The following TIAM1 variants were observed in gnomAD, a reference collection of about 807,000 sequenced individuals.
TIAM1 encodes the protein TIAM Rac1 associated GEF 1, also known as rho guanine nucleotide exchange factor TIAM1.
In TIAM1, 65 loss-of-function variants were observed where a neutral mutation model predicts 163.5. The ratio of observed to expected loss-of-function variants is 0.40; its 90% confidence interval spans 0.33 to 0.49. The LOEUF is 0.49. Among genes scored for constraint, TIAM1 ranks in the 20% least tolerant of loss-of-function variants. The pLI is 0.77. For missense variants in TIAM1, 1,789 were observed against 2,044.7 expected (o/e 0.87, Z 2.41); for synonymous variants, 833 against 810.1 (o/e 1.03, Z -0.48).
chr21:31,182,583 A>C lies in TIAM1; in HGVS notation c.2725T>G (p.Ser909Ala), dbSNP rs768029629. Residue 909 changes from serine (S) to alanine (A), a missense_variant, in exon 15 of 28, where the codon TCT (serine) becomes GCT (alanine). This residue lies in a region of TIAM1 where 303 missense variants were observed against 321.3 expected (regional missense o/e 0.94). Transcript: ENST00000541036. Reference protein sequence around the residue: ...NNRAADALNSSMLKDFLSQPS... With the variant: ...NNRAADALNSAMLKDFLSQPS... ...TGTGAGAGGAAATCTTTGAGCATAGAAGAGTTCAGGGCGTCAGCAGCACGA... is the reference window on the plus strand; with the variant it reads ...TGTGAGAGGAAATCTTTGAGCATAGCAGAGTTCAGGGCGTCAGCAGCACGA... 6.2e-7 allele frequency: 1 copy of C among 1,613,958 alleles called. No individual in the cohort carries two copies. Among genetic ancestry groups the C allele is most frequent in the Non-Finnish European group, 8.5e-7 (1 of 1,179,968 alleles).
In TIAM1 at chr21:31,396,955, A is replaced by AC. The variant is rs533640676; in HGVS notation, c.-368-57534_-368-57533insG. Among the ~76,000 whole-genome samples the AC allele has an allele frequency of 3.7e-3, 516 of 139,462 alleles. 5 individuals are homozygous for AC. Among genetic ancestry groups the AC allele is most frequent in the African/African-American group, 0.012 (463 of 39,098 alleles). 91.5% of individuals were successfully genotyped at this position (139,462 alleles called of 152,430 possible). On this transcript the variant is annotated intron_variant, in intron 2 of 28. Transcript: ENST00000286827. ...CAGAGTGAGACTCCGTCACACACAC[A>AC]AAAAAAATTTAAATAATATTTTATG...
chr21:31,409,591 C>A (rs1041345007), intron 2 of TIAM1, among the ~76,000 whole-genome samples: 2 of 152,204 alleles, frequency 1.3e-5, no homozygotes, highest in African/African-American at 2.4e-5. Context: ...CAGCTCCACA[C>A]ACCAGCATCA....
intron 2 of TIAM1, among the ~76,000 whole-genome samples, chr21:31,281,430 C>T (rs965053581): frequency 1.3e-5 from 2 of 152,148 alleles, no homozygotes; most frequent in African/African-American, 4.8e-5. Context: ...TATGGAAATT[C>T]TTACTGTGTT....
chr21:31,291,895 T>C (rs966949542), intron 2 of TIAM1, among the ~76,000 whole-genome samples: 1 of 152,200 alleles, frequency 6.6e-6, no homozygotes, highest in African/African-American at 2.4e-5. Flanking sequence ...GCCTTCTACA[T>C]GGCTCCATCT....
chr21:31,385,333 A>T (rs2076847199), intron 2 of TIAM1, among the ~76,000 whole-genome samples: 1 of 152,164 alleles, frequency 6.6e-6, no homozygotes, highest in Admixed American at 6.5e-5. Context: ...TTTTTAAAAA[A>T]CAGACTTTAT....
chr21:31,380,390 A>C (rs1325994432), intron 2 of TIAM1, among the ~76,000 whole-genome samples: 1 of 152,142 alleles, frequency 6.6e-6, no homozygotes, highest in Non-Finnish European at 1.5e-5. Flanking sequence ...CTAAAAATAC[A>C]AAGTTAGCTG....
Position 31,146,238 on chromosome 21 carries a change from G to A in TIAM1, c.3475+657C>T, listed in dbSNP as rs140154592. ...ACCTGAGGTCAGGAATTCAAGACCA[G>A]CCTGGCCAACATGGTGAAACCCCAT... On this transcript the variant is annotated intron_variant, in intron 20 of 27. Coordinates refer to ENST00000541036, the MANE Select transcript of TIAM1 (RefSeq NM_001353694.2). Among the ~76,000 whole-genome samples, 856 of 152,148 alleles carry A rather than the reference G, an allele frequency of 5.6e-3. 9 individuals carry two copies. Among genetic ancestry groups the A allele is most frequent in the African/African-American group, 0.019 (773 of 41,498 alleles).
At chr21:31,132,422 C>T (rs989707586) in intron 23 of TIAM1, among the ~76,000 whole-genome samples, 2 of 152,074 alleles carry the variant, frequency 1.3e-5, no homozygotes, top group Non-Finnish European at 2.9e-5. Context: ...CACACTGACC[C>T]GAGGAGGCCA....
At chr21:31,262,657 C>A (rs1486143413) in intron 4 of TIAM1, among the ~76,000 whole-genome samples, 2 of 152,208 alleles carry the variant, frequency 1.3e-5, no homozygotes, top group Non-Finnish European at 2.9e-5. Flanking sequence ...CATCCAACTA[C>A]TGAAAAAATC....
chr21:31,303,873 G>A (rs1406550981), intron 2 of TIAM1, among the ~76,000 whole-genome samples: 1 of 152,264 alleles, frequency 6.6e-6, no homozygotes, highest in African/African-American at 2.4e-5. Context: ...AGCTACTCAG[G>A]AGGCTGAGGC....
chr21:31,538,271 G>A (rs145767667), intron 1 of TIAM1, among the ~76,000 whole-genome samples: 3 of 152,126 alleles, frequency 2.0e-5, no homozygotes, highest in East Asian at 1.9e-4. Flanking sequence ...GGCCAGGTGC[G>A]GTTACTCACG....
At chr21:31,237,899 G>C (rs1269062374) in intron 6 of TIAM1, among the ~76,000 whole-genome samples, 1 of 152,202 alleles carries the variant, frequency 6.6e-6, no homozygotes, top group Non-Finnish European at 1.5e-5. Context: ...ATTGTACTTT[G>C]TAGGTGGTAG....
chr21:31,154,644 C>T (rs972851411), intron 16 of TIAM1, among the ~76,000 whole-genome samples: 2 of 152,328 alleles, frequency 1.3e-5, no homozygotes, highest in East Asian at 3.9e-4. Context: ...GCTTACCACA[C>T]GCCTAGTGCC....
chr21:31,131,052 T>C (rs2057623038), intron 23 of TIAM1, 104 bp from the exon 24 acceptor site: 9 of 911,410 alleles, frequency 9.9e-6, no homozygotes, highest in Non-Finnish European at 1.6e-5. Flanking sequence ...GAAGAGGACG[T>C]TGAGATCCCA....
intron 14 of TIAM1, 57 bp from the exon 15 acceptor site, chr21:31,182,702 C>A: frequency 6.5e-7 from 1 of 1,534,944 alleles, no homozygotes. Flanking sequence ...AACACAACAG[C>A]TTAGGAGCTC....
At chr21:31,142,912 T>C (rs1568907279) in intron 20 of TIAM1, among the ~76,000 whole-genome samples, 1 of 152,000 alleles carries the variant, frequency 6.6e-6, no homozygotes, top group South Asian at 2.1e-4. Context: ...CAAACAGAGG[T>C]ACCTGGCAGG....
intron 12 of TIAM1, among the ~76,000 whole-genome samples, chr21:31,200,235 G>T (rs2146515638): frequency 6.6e-6 from 1 of 152,268 alleles, no homozygotes; most frequent in East Asian, 1.9e-4. Flanking sequence ...TACTTGGGAG[G>T]CTGAGGCAGG....
chr21:31,507,529 A>G (rs889063912), intron 1 of TIAM1, among the ~76,000 whole-genome samples: 1 of 152,122 alleles, frequency 6.6e-6, no homozygotes, highest in Non-Finnish European at 1.5e-5. Flanking sequence ...TTTTAAAATT[A>G]TATCACACTT....
chr21:31,315,597 C>T (rs1264588827), intron 2 of TIAM1, among the ~76,000 whole-genome samples: 8 of 147,412 alleles, frequency 5.4e-5, no homozygotes, highest in Admixed American at 4.8e-4. Context: ...ATCACTTGAA[C>T]CAGGGAGGCG....
Sources: allele counts gnomAD v4.1 joint callset (sites outside exome capture counted in the v4.1 genomes callset), GRCh38; gene constraint gnomAD v4.1.1; regional missense constraint gnomAD v4.1.1; transcripts MANE v1.5; gene names NCBI Gene and HGNC (gene_info 2026-07-23, HGNC 2026-07-21).